Variants in USO1 observed in about 807,000 individuals in gnomAD.
The protein encoded by USO1 is general vesicular transport factor p115.
USO1 carries 57 observed loss-of-function variants against 124.5 expected under a neutral mutation model. The observed-to-expected ratio is 0.46, with a 90% CI of 0.37 to 0.57. USO1 has a LOEUF of 0.57. USO1 is among the 20% of genes least tolerant of loss of function. The probability of loss-of-function intolerance (pLI) is 0.00; values close to 1 mark genes in which losing one functional copy is unlikely to be tolerated. For missense variants in USO1, 900 were observed against 1,040.6 expected, an observed-to-expected ratio of 0.86 and a Z score of 1.86; for synonymous variants, 369 against 362.8, an observed-to-expected ratio of 1.02 and a Z score of -0.19.
intron 7 of USO1, among the ~76,000 whole-genome samples, chr4:75,773,817 T>C (rs951676465): frequency 3.9e-5 from 6 of 152,200 alleles, no homozygotes; most frequent in African/African-American, 1.4e-4. Flanking sequence ...ATATGAATAC[T>C]TACCTACTCA....
chr4:75,802,613 A>G (rs1722880521), intron 17 of USO1, among the ~76,000 whole-genome samples: 1 of 152,188 alleles, frequency 6.6e-6, no homozygotes, highest in East Asian at 1.9e-4. Context: ...TATATGGACT[A>G]AAATATATAA....
chr4:75,787,551 A>G (rs1418219026), intron 10 of USO1, among the ~76,000 whole-genome samples: 1 of 152,332 alleles, frequency 6.6e-6, no homozygotes, highest in South Asian at 2.1e-4. Flanking sequence ...GATTCATTGA[A>G]TAGTAAATTC....
intron 7 of USO1, 106 bp downstream of exon 7, chr4:75,771,243 G>A (rs1357939113): frequency 1.2e-5 from 15 of 1,277,546 alleles, no homozygotes; most frequent in African/African-American, 1.5e-5. Context: ...GAAAGCTGGA[G>A]TAATGACCTT....
At chr4:75,733,413 A>C (rs145576006) in intron 1 of USO1, among the ~76,000 whole-genome samples, 101 of 152,336 alleles carry the variant, frequency 6.6e-4, no homozygotes, top group Admixed American at 2.0e-3. Flanking sequence ...GACTGAACTA[A>C]AATTACATTC....
intron 1 of USO1, among the ~76,000 whole-genome samples, chr4:75,738,823 C>G (rs1470968102): frequency 6.6e-6 from 1 of 151,744 alleles, no homozygotes; most frequent in Non-Finnish European, 1.5e-5. Context: ...TTCTGTCAGA[C>G]CTGACTGGCC....
intron 1 of USO1, among the ~76,000 whole-genome samples, chr4:75,739,747 A>T (rs952149838): frequency 6.6e-6 from 1 of 151,856 alleles, no homozygotes; most frequent in Non-Finnish European, 1.5e-5. Flanking sequence ...GGGTTTCACC[A>T]TGTTGGCCAG....
In USO1 at chr4:75,810,432, G is replaced by A. The variant is rs199810995; in HGVS notation, c.2476G>A (p.Ala826Thr). Reference protein sequence around the residue: ...QELLQKTEAFAKSVEVQGETE... With the variant: ...QELLQKTEAFTKSVEVQGETE... ...CTTTTTTTCCAATTTCTAATTTCAG[G>A]CAAAATCAGTTGAGGTACAAGGAGA... Residue 826 changes from alanine (A) to threonine (T), a missense_variant and splice_region_variant, in exon 22 of 24, where the codon GCA becomes ACA. Physicochemically the swap from Ala to Thr is moderately conservative, Grantham distance 58 (BLOSUM62 0). This residue lies in a region of USO1 where 362 missense variants were observed against 359.0 expected (regional missense o/e 1.01). Coordinates refer to ENST00000514213, the MANE Select transcript of USO1 (RefSeq NM_003715.4). 2.0e-4 allele frequency: 323 copies of A among 1,602,338 alleles called. 1 individual carries two copies. In the African/African-American group the frequency reaches 4.0e-3, roughly 20 times the overall value.
intron 4 of USO1, among the ~76,000 whole-genome samples, chr4:75,769,135 A>G (rs578026747): frequency 1.2e-3 from 180 of 152,302 alleles, no homozygotes; most frequent in African/African-American, 3.6e-3. Context: ...AAATTATGAC[A>G]TCTAAGGTCT....
At chr4:75,746,298 C>A (rs183337781) in intron 1 of USO1, among the ~76,000 whole-genome samples, 10 of 152,278 alleles carry the variant, frequency 6.6e-5, no homozygotes, top group Non-Finnish European at 1.2e-4. Flanking sequence ...TCTGTCCATG[C>A]CTAGCTGCAA....
At chr4:75,742,932 T>C (rs556606237) in intron 1 of USO1, among the ~76,000 whole-genome samples, 2 of 152,228 alleles carry the variant, frequency 1.3e-5, no homozygotes, top group African/African-American at 4.8e-5. Flanking sequence ...AGAATGAGGT[T>C]CCAGCAACAA....
At chr4:75,775,996 G>A (rs574314606) in intron 8 of USO1, among the ~76,000 whole-genome samples, 1 of 152,216 alleles carries the variant, frequency 6.6e-6, no homozygotes, top group Non-Finnish European at 1.5e-5. Context: ...ACGGGTTGCT[G>A]TTGAAATTAA....
chr4:75,790,652 TGTA>T lies in USO1; in HGVS notation c.1099_1101del (p.Val367del), dbSNP rs1255234158. On this transcript the variant is annotated inframe_deletion, in exon 12 of 24. Transcript: ENST00000514213. ...TTTTTAAATGCAACAGACCGGCAAT[TGTA>T]GTACTTCTCATGTCCATGGTTAATG... The T allele has an allele frequency of 6.2e-7, 1 of 1,608,138 alleles. No homozygotes were observed. The highest frequency in any genetic ancestry group is 1.7e-5 in the Admixed American group (1 of 58,482).
chr4:75,729,739 T>A (rs952058458), intron 1 of USO1, among the ~76,000 whole-genome samples: 7 of 152,176 alleles, frequency 4.6e-5, no homozygotes, highest in Non-Finnish European at 1.0e-4. Context: ...TGTTCTCAAG[T>A]TGGACCCCGA....
intron 1 of USO1, among the ~76,000 whole-genome samples, chr4:75,746,410 C>T (rs989795427): frequency 2.0e-5 from 3 of 152,132 alleles, no homozygotes; most frequent in African/African-American, 7.2e-5. Context: ...GACAATGTGG[C>T]ACAATTATAC....
intron 6 of USO1, 26 bp from the exon 7 acceptor site, chr4:75,771,056 A>G (rs778909480): frequency 5.6e-6 from 9 of 1,603,304 alleles, no homozygotes; most frequent in African/African-American, 1.3e-5. Context: ...GTCTGCCAGC[A>G]TTTTTCACAT....
At chr4:75,734,868 A>C (rs1720744390) in intron 1 of USO1, among the ~76,000 whole-genome samples, 1 of 151,548 alleles carries the variant, frequency 6.6e-6, no homozygotes, top group South Asian at 2.1e-4. Context: ...AGCTGGGATT[A>C]CAGGCACCCA....
chr4:75,784,747 C>T (rs540874525), intron 9 of USO1, among the ~76,000 whole-genome samples: 5 of 151,176 alleles, frequency 3.3e-5, no homozygotes, highest in African/African-American at 4.9e-5. Flanking sequence ...ACCATAATCA[C>T]GCCACGCACT....
At chr4:75,771,856 A>G (rs1221299678) in intron 7 of USO1, among the ~76,000 whole-genome samples, 2 of 152,232 alleles carry the variant, frequency 1.3e-5, no homozygotes, top group Non-Finnish European at 2.9e-5. Flanking sequence ...AAAATTCTGT[A>G]ATATTTAAAA....
intron 1 of USO1, chr4:75,744,945 CAG>C (rs1169313179): frequency 6.0e-6 from 3 of 502,676 alleles, no homozygotes; most frequent in South Asian, 4.4e-5. Context: ...GAATTCCAAA[CAG>C]TGACTGTTCC....
Sources: allele counts gnomAD v4.1 joint callset (sites outside exome capture counted in the v4.1 genomes callset), GRCh38; gene constraint gnomAD v4.1.1; regional missense constraint gnomAD v4.1.1; transcripts MANE v1.5; gene names NCBI Gene and HGNC (gene_info 2026-07-23, HGNC 2026-07-21).